ATAD2: variants seen among roughly 807,000 people sequenced by gnomAD.
ATAD2 encodes the protein ATPase family AAA domain-containing protein 2.
ATAD2 carries 62 observed loss-of-function variants against 168.9 expected under a neutral mutation model. The observed-to-expected ratio is 0.37, with a 90% CI of 0.30 to 0.45. The LOEUF (loss-of-function observed/expected upper bound fraction) is 0.45, where lower values mean the gene tolerates loss of function less well. Ranked by LOEUF, ATAD2 falls within the 20% of genes least tolerant of loss-of-function variation. ATAD2 has a pLI of 1.00. For missense variants in ATAD2, 1,419 were observed against 1,667.8 expected (o/e 0.85, Z 2.60); for synonymous variants, 613 against 571.6 (o/e 1.07, Z -1.03).
chr8:123,339,767 T>C (rs1828014969), intron 19 of ATAD2, among the ~76,000 whole-genome samples: 1 of 152,222 alleles, frequency 6.6e-6, no homozygotes, highest in South Asian at 2.1e-4. Flanking sequence ...AACAAGTCTT[T>C]AAAGAATGTT....
At chr8:123,368,373 G>A (rs1377013191) in intron 8 of ATAD2, among the ~76,000 whole-genome samples, 9 of 152,262 alleles carry the variant, frequency 5.9e-5, no homozygotes, top group East Asian at 1.9e-4. Context: ...AGCCAAGATC[G>A]TGCCACTGCA....
At chr8:123,404,789 C>T (rs957380814) in intron 1 of ATAD2, among the ~76,000 whole-genome samples, 1 of 152,156 alleles carries the variant, frequency 6.6e-6, no homozygotes, top group Non-Finnish European at 1.5e-5. Context: ...ATCCACCCAC[C>T]TCGGCCTCCC....
At chr8:123,323,409 A>T (rs189160438) in intron 26 of ATAD2, among the ~76,000 whole-genome samples, 10 of 152,366 alleles carry the variant, frequency 6.6e-5, no homozygotes, top group Admixed American at 6.5e-4. Flanking sequence ...TTATGATAGT[A>T]TAAGTACATT....
intron 22 of ATAD2, 96 bp downstream of exon 22, chr8:123,336,277 A>G: frequency 9.2e-7 from 1 of 1,090,200 alleles, no homozygotes; most frequent in South Asian, 1.6e-5. Flanking sequence ...TAGTATTTTG[A>G]TTATGTTTAT....
chr8:123,382,597 T>A (rs1308290079), intron 1 of ATAD2, among the ~76,000 whole-genome samples: 1 of 152,224 alleles, frequency 6.6e-6, no homozygotes, highest in African/African-American at 2.4e-5. Context: ...AGCCATCCCA[T>A]TCATTTGCCC....
intron 1 of ATAD2, among the ~76,000 whole-genome samples, chr8:123,407,943 C>G (rs969324866): frequency 1.3e-5 from 2 of 152,036 alleles, no homozygotes; most frequent in South Asian, 2.1e-4. Context: ...GCTACAGAAA[C>G]GAGGCTCAGG....
chr8:123,369,847 G>A lies in ATAD2; in HGVS notation c.905C>T (p.Thr302Ile). ...KRYYLRQRKATVYYQAPLEKP... is the reference protein window; with the variant it reads ...KRYYLRQRKAIVYYQAPLEKP... ...TTCCAATGGAGCCTGATAGTAAACA[G>A]TAGCTTTTCTCTGTCTAAGATAATA... Residue 302 changes from threonine to isoleucine, a missense_variant, in exon 7 of 28, where the codon ACT becomes ATT. Thr to Ile is a moderately conservative substitution (Grantham distance 89). Coordinates refer to ENST00000287394, the MANE Select transcript of ATAD2 (RefSeq NM_014109.4). 1.2e-6 allele frequency: 2 copies of A among 1,611,958 alleles called. No homozygotes were observed. Among genetic ancestry groups the A allele is most frequent in the Non-Finnish European group, 1.7e-6 (2 of 1,179,318 alleles).
At chr8:123,349,626 T>C (rs1039955223) in intron 13 of ATAD2, among the ~76,000 whole-genome samples, 182 bp from the exon 14 acceptor site, 2 of 152,004 alleles carry the variant, frequency 1.3e-5, no homozygotes, top group African/African-American at 4.8e-5. Context: ...CCCACAGAAA[T>C]TGAAATCAAT....
intron 8 of ATAD2, among the ~76,000 whole-genome samples, chr8:123,362,200 A>G (rs28461952): frequency 0.025 from 3,824 of 150,970 alleles, 171 homozygotes; most frequent in African/African-American, 0.09. Context: ...GGCTGAGGTG[A>G]GAGATTTGCT....
upstream of ATAD2, chr8:123,400,551 G>T (rs887149316): frequency 6.8e-5 from 31 of 458,740 alleles, no homozygotes; most frequent in Admixed American, 8.3e-4. The surrounding 1 kb of genome is among the most constrained non-coding windows in gnomAD (Gnocchi z 4.5). Context: ...GGGTGTTTAT[G>T]TTGGGTCGCC....
intron 8 of ATAD2, among the ~76,000 whole-genome samples, chr8:123,365,735 G>A (rs1365688019): frequency 2.0e-5 from 3 of 152,142 alleles, no homozygotes; most frequent in African/African-American, 7.2e-5. Flanking sequence ...AATGAAACTG[G>A]TTCCTCATCT....
chr8:123,339,470 T>C, intron 19 of ATAD2, 24 bp from the exon 20 acceptor site: 1 of 1,529,054 alleles, frequency 6.5e-7, no homozygotes, highest in Non-Finnish European at 8.9e-7. Flanking sequence ...ATAAATGCAA[T>C]ATATATCATA....
Position 123,346,607 on chromosome 8 carries a change from GA to G in ATAD2, c.2345+10del. The G allele has an allele frequency of 6.6e-7, 1 of 1,520,436 alleles. No individual in the cohort carries two copies. The highest frequency in any genetic ancestry group is 8.8e-7 in the Non-Finnish European group (1 of 1,130,764). The allele number at this position is 1,520,436 out of a possible 1,614,324, so 94.2% of individuals were successfully genotyped here. On this transcript the variant is annotated intron_variant, in intron 17 of 27. Transcript: ENST00000287394. ...ACATGCAAAAAACATTGATTTGCAA[GA>G]AAAATATACCTATTCAAATGAAGAA...
chr8:123,395,457 T>G (rs1021177590), intron 1 of ATAD2, among the ~76,000 whole-genome samples: 6 of 152,210 alleles, frequency 3.9e-5, no homozygotes, highest in African/African-American at 1.4e-4. Context: ...TGCTTGTAAC[T>G]GCAGCATGAC....
At chr8:123,351,748 GTTTTTTT>G (rs987980082) in intron 13 of ATAD2, among the ~76,000 whole-genome samples, 2 of 134,690 alleles carry the variant, frequency 1.5e-5, no homozygotes, top group East Asian at 2.1e-4. Flanking sequence ...AAAAACTGAT[GTTTTTTT>G]TTTTTTTTTT....
chr8:123,373,792 A>G (rs1829225835), intron 2 of ATAD2, among the ~76,000 whole-genome samples: 1 of 148,706 alleles, frequency 6.7e-6, no homozygotes, highest in Non-Finnish European at 1.5e-5. Flanking sequence ...TCGCCTCAAA[A>G]AAAAAAAAAA....
At position 123,355,693 on chromosome 8, in the gene ATAD2, C is replaced by T. The variant is rs117594252; in HGVS notation, c.1646+696G>A. Among the ~76,000 whole-genome samples the T allele has an allele frequency of 1.2e-4, 18 of 152,190 alleles. No individual in the cohort carries two copies. In the South Asian group the frequency reaches 1.2e-3, roughly 11 times the overall value. On this transcript the variant is annotated intron_variant, in intron 13 of 27. Transcript: ENST00000287394. Reference sequence around the variant, plus strand: ...GAACATAAAATCTGAGGGAAAAAATCGATTTTTCAAGTCTGGGTAAGCTTC... The same window carrying T: ...GAACATAAAATCTGAGGGAAAAAATTGATTTTTCAAGTCTGGGTAAGCTTC...
intron 13 of ATAD2, among the ~76,000 whole-genome samples, chr8:123,355,028 C>T (rs1380122265): frequency 6.6e-6 from 1 of 151,394 alleles, no homozygotes; most frequent in Non-Finnish European, 1.5e-5. Context: ...TAAATATGTT[C>T]CTTCCTGTTA....
chr8:123,394,454 C>A (rs1385264664), intron 1 of ATAD2, among the ~76,000 whole-genome samples: 1 of 152,058 alleles, frequency 6.6e-6, no homozygotes, highest in Non-Finnish European at 1.5e-5. Flanking sequence ...CATACAGAAA[C>A]CCTGTCTCTA....
Sources: gnomAD v4.1 joint callset for allele counts (sites outside exome capture counted in the v4.1 genomes callset) on GRCh38, gnomAD v4.1.1 for gene constraint, Gnocchi (gnomAD v3.1) non-coding constraint, MANE v1.5 for transcripts, NCBI Gene and HGNC (gene_info 2026-07-23, HGNC 2026-07-21) for gene names.